USP48: variants seen among roughly 807,000 people sequenced by gnomAD.
USP48 encodes the protein ubiquitin carboxyl-terminal hydrolase 48.
USP48 carries 43 observed loss-of-function variants against 150.7 expected under a neutral mutation model. The observed-to-expected ratio is 0.29, with a 90% CI of 0.22 to 0.37. The LOEUF (loss-of-function observed/expected upper bound fraction) is 0.37. Ranked by LOEUF, USP48 falls within the 10% of genes least tolerant of loss-of-function variation. The pLI is 1.00. For synonymous variants in USP48, 396 were observed against 425.9 expected (o/e 0.93, Z 0.86); for missense variants, 813 against 1,249.6 (o/e 0.65, Z 5.27).
intron 22 of USP48, among the ~76,000 whole-genome samples, 195 bp downstream of exon 22, chr1:21,701,303 T>C (rs530077511): frequency 6.7e-5 from 10 of 148,840 alleles, no homozygotes; most frequent in Admixed American, 4.7e-4. Flanking sequence ...GAGGCGGACA[T>C]TGTGGTGAGC....
At chr1:21,692,416 A>G (rs886525035) in intron 23 of USP48, among the ~76,000 whole-genome samples, 2 of 152,168 alleles carry the variant, frequency 1.3e-5, no homozygotes, top group South Asian at 4.1e-4. Context: ...CTAACTTAAC[A>G]TGGATAATGT....
intron 9 of USP48, 98 bp downstream of exon 9, chr1:21,736,348 T>C: frequency 1.6e-6 from 2 of 1,214,112 alleles, no homozygotes; most frequent in Non-Finnish European, 2.3e-6. Flanking sequence ...CTTGATAGTC[T>C]GTAACATAAC....
At chr1:21,762,012 TC>T (rs11335547) in intron 1 of USP48, among the ~76,000 whole-genome samples, 122,419 of 152,060 alleles carry the variant, frequency 0.81, 50,130 homozygotes, top group Admixed American at 0.88. Context: ...CTGCCTGTAA[TC>T]CCCAGCACTT....
At chr1:21,758,147 A>C (rs1280494469) in intron 1 of USP48, among the ~76,000 whole-genome samples, 1 of 151,048 alleles carries the variant, frequency 6.6e-6, no homozygotes, top group African/African-American at 2.4e-5. Flanking sequence ...AATAGACAAT[A>C]TGGTACATCT....
At chr1:21,732,631 CTATT>C (rs757911743) in intron 9 of USP48, 16 of 291,464 alleles carry the variant, frequency 5.5e-5, no homozygotes, top group Non-Finnish European at 1.1e-4. Context: ...TACTTTTTAA[CTATT>C]TAGAGCTTTA....
chr1:21,703,434 C>T lies in USP48; in HGVS notation c.2622+78G>A. ...AAAAATGCAGTCCTAGGCAGACCCT[C>T]AGTGCAAATACAACAGCAAATCAAG... On this transcript the variant is annotated intron_variant, in intron 21 of 26. Transcript: ENST00000308271. 6 of 1,105,200 alleles carry T rather than the reference C, an allele frequency of 5.4e-6. No individual in the cohort carries two copies. The South Asian group carries it at 6.9e-5, about 13-fold the overall frequency. The allele number at this position is 1,105,200 out of a possible 1,614,324, so 68.5% of individuals were successfully genotyped here.
intron 1 of USP48, among the ~76,000 whole-genome samples, chr1:21,779,420 G>A (rs992458620): frequency 4.8e-4 from 73 of 151,826 alleles, no homozygotes; most frequent in African/African-American, 1.7e-3. Context: ...GGTGGTGGGC[G>A]TCTGTAATCC....
At chr1:21,751,262 G>C (rs1013234016) in intron 6 of USP48, among the ~76,000 whole-genome samples, 2 of 152,086 alleles carry the variant, frequency 1.3e-5, no homozygotes, top group Non-Finnish European at 2.9e-5. Context: ...CACAATCACA[G>C]AATAATATCT....
chr1:21,730,388 G>A (rs534249432), intron 9 of USP48, among the ~76,000 whole-genome samples: 1 of 150,814 alleles, frequency 6.6e-6, no homozygotes, highest in South Asian at 2.1e-4. Context: ...GTTGCAGTGA[G>A]CCGAGATCAC....
chr1:21,759,845 A>G (rs913110410), intron 1 of USP48, among the ~76,000 whole-genome samples: 2 of 152,244 alleles, frequency 1.3e-5, no homozygotes, highest in Non-Finnish European at 1.5e-5. Flanking sequence ...AGATTCAGAA[A>G]GGAATGAGGC....
chr1:21,679,650 A>C (rs191285055), intron 26 of USP48, among the ~76,000 whole-genome samples: 3 of 152,318 alleles, frequency 2.0e-5, no homozygotes, highest in Admixed American at 1.3e-4. Context: ...GTGCTTCCTA[A>C]GTGTATCTTC....
chr1:21,748,305 G>C (rs756856836), intron 6 of USP48, 34 bp from the exon 7 acceptor site: 3 of 1,576,230 alleles, frequency 1.9e-6, no homozygotes, highest in Non-Finnish European at 2.6e-6. Context: ...ATTTTAAAAA[G>C]AAGATGGGTT....
chr1:21,710,977 T>A (rs569869939), intron 15 of USP48, among the ~76,000 whole-genome samples: 109 of 152,068 alleles, frequency 7.2e-4, no homozygotes, highest in Non-Finnish European at 9.4e-4. Flanking sequence ...CTAATTTTTA[T>A]TTTATTTTTT....
chr1:21,685,130 A>C (rs1229506365), intron 25 of USP48, among the ~76,000 whole-genome samples: 1 of 152,140 alleles, frequency 6.6e-6, no homozygotes, highest in Non-Finnish European at 1.5e-5. Flanking sequence ...ATTTTGGGTA[A>C]TATGGTCATT....
chr1:21,729,641 A>T, intron 10 of USP48, 63 bp downstream of exon 10: 2 of 1,567,382 alleles, frequency 1.3e-6, no homozygotes, highest in East Asian at 4.5e-5. Context: ...ATTACTTATC[A>T]TTAATCTTTG....
At chr1:21,701,470 A>G (rs759973792) in intron 22 of USP48, 28 bp downstream of exon 22, 1 of 1,596,378 alleles carries the variant, frequency 6.3e-7, no homozygotes. Context: ...CAGAAAGTAT[A>G]ACAATGAAAA....
intron 1 of USP48, chr1:21,781,865 G>T (rs553414129): frequency 6.6e-6 from 1 of 152,336 alleles, no homozygotes; most frequent in African/African-American, 2.4e-5. Context: ...TACTGTTAAA[G>T]TCAGATTTAC....
intron 1 of USP48, among the ~76,000 whole-genome samples, chr1:21,776,011 T>C (rs1033760382): frequency 2.0e-5 from 3 of 152,176 alleles, no homozygotes; most frequent in African/African-American, 7.2e-5. Context: ...ATTATGTTGG[T>C]GAGGGTATGA....
chr1:21,765,901 C>CAAAAAAAAAAAAAAAAAA (rs199539331), intron 1 of USP48, among the ~76,000 whole-genome samples: 3 of 112,148 alleles, frequency 2.7e-5, no homozygotes, highest in African/African-American at 8.2e-5. Context: ...ACTCCATCTC[C>CAAAAAAAAAAAAAAAAAA]AAAAAAAAAA....
Sources: gnomAD v4.1 joint callset for allele counts (sites outside exome capture counted in the v4.1 genomes callset) on GRCh38, gnomAD v4.1.1 for gene constraint, MANE v1.5 for transcripts, NCBI Gene and HGNC (gene_info 2026-07-23, HGNC 2026-07-21) for gene names.